ARNT2: variants seen among roughly 807,000 people sequenced by gnomAD.
The protein encoded by ARNT2 is aryl hydrocarbon receptor nuclear translocator 2.
A neutral mutation model predicts 91.7 loss-of-function variants in ARNT2; 36 were observed. The observed-to-expected ratio is 0.39, with a 90% CI of 0.30 to 0.52. ARNT2 has a LOEUF of 0.52. ARNT2 is among the 20% of genes least tolerant of loss of function. The probability of loss-of-function intolerance (pLI) is 0.72; values close to 1 mark genes in which losing one functional copy is unlikely to be tolerated. For synonymous variants in ARNT2, 365 were observed against 347.1 expected (o/e 1.05, Z -0.57); for missense variants, 775 against 939.3 (o/e 0.83, Z 2.29).
At chr15:80,574,358 A>C in intron 13 of ARNT2, 138 bp downstream of exon 13, 7 of 793,152 alleles carry the variant, frequency 8.8e-6, no homozygotes, top group Non-Finnish European at 1.2e-5. Flanking sequence ...GAGCAGACCT[A>C]CAGGTCCCCT....
chr15:80,495,620 C>G (rs1897115602), intron 5 of ARNT2, among the ~76,000 whole-genome samples: 1 of 152,248 alleles, frequency 6.6e-6, no homozygotes, highest in South Asian at 2.1e-4. Flanking sequence ...TCTCAAGTCT[C>G]TGGCTTTTCT....
At chr15:80,419,990 A>G (rs1358856232) in intron 1 of ARNT2, among the ~76,000 whole-genome samples, 2 of 152,112 alleles carry the variant, frequency 1.3e-5, no homozygotes, top group Non-Finnish European at 2.9e-5. Context: ...GCCTGGGGCA[A>G]TGGGAGGATA....
At chr15:80,425,669 G>T (rs1416586061) in intron 1 of ARNT2, among the ~76,000 whole-genome samples, 1 of 151,566 alleles carries the variant, frequency 6.6e-6, no homozygotes, top group Non-Finnish European at 1.5e-5. Context: ...TGCACCTATT[G>T]ACCCATTTTC....
At chr15:80,436,614 T>C (rs1464624653) in intron 1 of ARNT2, among the ~76,000 whole-genome samples, 4 of 152,186 alleles carry the variant, frequency 2.6e-5, no homozygotes, top group Non-Finnish European at 5.9e-5. Flanking sequence ...CTGTGTTTGC[T>C]TCATGACTTG....
chr15:80,593,576 G>T (rs1893322901), intron 18 of ARNT2, 24 bp from the exon 19 acceptor site: 3 of 1,552,644 alleles, frequency 1.9e-6, no homozygotes. Context: ...CTCCCCTGTG[G>T]CTCTCTTTTC....
At chr15:80,481,467 T>G (rs1896887935) in intron 5 of ARNT2, among the ~76,000 whole-genome samples, 1 of 152,178 alleles carries the variant, frequency 6.6e-6, no homozygotes, top group South Asian at 2.1e-4. Flanking sequence ...CCCAGCACTT[T>G]GGGAGGCTAA....
chr15:80,587,400 G>C (rs1425319903), intron 17 of ARNT2, among the ~76,000 whole-genome samples: 5 of 151,692 alleles, frequency 3.3e-5, no homozygotes, highest in Non-Finnish European at 7.4e-5. Flanking sequence ...GTCCCCCTTG[G>C]TTTGGTGGGG....
In ARNT2 at chr15:80,513,916, G is replaced by T; in HGVS notation, c.731G>T (p.Gly244Val). The change falls in exon 7 of 19, where the codon GGA becomes GTA. Residue 244 changes from glycine to valine, a missense_variant. By Grantham distance (109) the Gly-to-Val change is moderately radical. This residue lies in a region of ARNT2 where 285 missense variants were observed against 327.2 expected (regional missense o/e 0.87). Transcript: ENST00000303329. The part of the protein sequence containing the change: ...RRSFICRMRC[G>V]NAPLDHLPLN... Reference sequence around the variant, plus strand: ...ATACACTTGTCACATCTTAGGTGTGGAAATGCTCCTTTGGACCACCTTCCT... The same window carrying T: ...ATACACTTGTCACATCTTAGGTGTGTAAATGCTCCTTTGGACCACCTTCCT... The T allele has an allele frequency of 6.2e-7, 1 of 1,613,190 alleles. No individual in the cohort carries two copies. Among genetic ancestry groups the T allele is most frequent in the Non-Finnish European group, 8.5e-7 (1 of 1,179,230 alleles).
chr15:80,528,031 C>G (rs908056288), intron 8 of ARNT2, among the ~76,000 whole-genome samples: 2 of 152,104 alleles, frequency 1.3e-5, no homozygotes, highest in Non-Finnish European at 2.9e-5. Flanking sequence ...CAGGAATAGG[C>G]CTGAAAGCAA....
intron 1 of ARNT2, among the ~76,000 whole-genome samples, chr15:80,416,418 C>T (rs775103244): frequency 1.5e-4 from 23 of 152,060 alleles, no homozygotes; most frequent in Non-Finnish European, 2.4e-4. Context: ...ACTTTTCCCA[C>T]GTAACTACAA....
At chr15:80,488,699 A>G (rs1311412566) in intron 5 of ARNT2, 1 of 151,948 alleles carries the variant, frequency 6.6e-6, no homozygotes, top group East Asian at 1.9e-4. Context: ...CTGCCAACAA[A>G]CCCCACGCAT....
chr15:80,473,153 T>C (rs960659183), intron 4 of ARNT2, among the ~76,000 whole-genome samples: 1 of 152,224 alleles, frequency 6.6e-6, no homozygotes, highest in African/African-American at 2.4e-5. Flanking sequence ...TGAAGTAACA[T>C]GCCCAAAGTT....
At chr15:80,496,681 T>C (rs1036835466) in intron 5 of ARNT2, among the ~76,000 whole-genome samples, 3 of 152,142 alleles carry the variant, frequency 2.0e-5, no homozygotes, top group Admixed American at 6.5e-5. Context: ...AGCCTCCTAG[T>C]TGTTGAGAAT....
At chr15:80,586,079 T>C (rs539659481) in intron 17 of ARNT2, among the ~76,000 whole-genome samples, 53 of 152,152 alleles carry the variant, frequency 3.5e-4, no homozygotes, top group Non-Finnish European at 7.2e-4. Context: ...CAGTTTCTTT[T>C]CATCTCAACT....
chr15:80,517,648 C>CTTTTTTTTTTTTTT (rs1169762478), intron 8 of ARNT2, among the ~76,000 whole-genome samples: 1 of 111,068 alleles, frequency 9.0e-6, no homozygotes, highest in Admixed American at 8.6e-5. Flanking sequence ...TTTTTTCATT[C>CTTTTTTTTTTTTTT]TTTTTTTCTC....
intron 5 of ARNT2, among the ~76,000 whole-genome samples, chr15:80,477,600 C>A (rs1442802541): frequency 2.0e-5 from 3 of 152,188 alleles, no homozygotes; most frequent in African/African-American, 7.2e-5. Context: ...AGAATTATAA[C>A]CAGCCTAAGT....
At chr15:80,532,024 A>T (rs752089377) in intron 8 of ARNT2, among the ~76,000 whole-genome samples, 4 of 152,206 alleles carry the variant, frequency 2.6e-5, no homozygotes, top group Non-Finnish European at 5.9e-5. Context: ...GGATGGCCTT[A>T]TCAGCTTCAC....
chr15:80,483,754 A>G (rs1444124001), intron 5 of ARNT2, among the ~76,000 whole-genome samples: 1 of 152,230 alleles, frequency 6.6e-6, no homozygotes, highest in East Asian at 1.9e-4. Context: ...ATGATGCTGC[A>G]AGAGTCAGCG....
At chr15:80,535,901 T>G (rs1369463819) in intron 8 of ARNT2, among the ~76,000 whole-genome samples, 1 of 152,190 alleles carries the variant, frequency 6.6e-6, no homozygotes, top group Admixed American at 6.5e-5. Context: ...TGTTGTTTTG[T>G]TTGTTGTTTG....
Sources: allele counts gnomAD v4.1 joint callset (sites outside exome capture counted in the v4.1 genomes callset), GRCh38; gene constraint gnomAD v4.1.1; regional missense constraint gnomAD v4.1.1; transcripts MANE v1.5; gene names NCBI Gene and HGNC (gene_info 2026-07-23, HGNC 2026-07-21).